The following PLA2G4A variants were observed in gnomAD, a reference collection of about 807,000 sequenced individuals.
The protein encoded by PLA2G4A is phospholipase A2 group IVA, also known as cytosolic phospholipase A2.
A neutral mutation model predicts 81.9 loss-of-function variants in PLA2G4A; 40 were observed. The ratio of observed to expected loss-of-function variants is 0.49; its 90% CI spans 0.38 to 0.64. The LOEUF is 0.64. Ranked by LOEUF, PLA2G4A falls within the 30% of genes least tolerant of loss-of-function variation. The pLI, the probability that PLA2G4A is intolerant of heterozygous loss-of-function variation, is 0.00. For synonymous variants in PLA2G4A, 302 were observed against 296.9 expected (o/e 1.02, Z -0.18); for missense variants, 715 against 905.1 (o/e 0.79, Z 2.69).
intron 15 of PLA2G4A, among the ~76,000 whole-genome samples, chr1:186,976,878 A>G (rs6690278): frequency 0.96 from 145,614 of 152,256 alleles, 69,726 homozygotes; most frequent in East Asian, 0.98. Context: ...GCCAGCAGTC[A>G]TAAATCACCC....
chr1:186,948,134 CATA>C (rs1656407354), intron 12 of PLA2G4A, among the ~76,000 whole-genome samples: 2 of 152,022 alleles, frequency 1.3e-5, no homozygotes, highest in South Asian at 4.1e-4. Flanking sequence ...TCCTGTAGTT[CATA>C]ATATTTTCAA....
chr1:186,837,736 CAAA>C (rs750655561), intron 1 of PLA2G4A, among the ~76,000 whole-genome samples: 2 of 55,226 alleles, frequency 3.6e-5, no homozygotes, highest in Non-Finnish European at 6.5e-5. Flanking sequence ...GACTCCGTCT[CAAA>C]AAAAAAAAAA....
chr1:186,906,039 G>A (rs1654725291), intron 5 of PLA2G4A, among the ~76,000 whole-genome samples: 1 of 152,088 alleles, frequency 6.6e-6, no homozygotes, highest in Non-Finnish European at 1.5e-5. Context: ...ATTTCAAGAG[G>A]TATATCCTAG....
At chr1:186,858,963 C>T (rs1652699470) in intron 2 of PLA2G4A, among the ~76,000 whole-genome samples, 2 of 151,528 alleles carry the variant, frequency 1.3e-5, no homozygotes, top group African/African-American at 4.9e-5. Flanking sequence ...AAAAAATTTC[C>T]TGCTCTGATT....
intron 1 of PLA2G4A, among the ~76,000 whole-genome samples, chr1:186,850,038 A>G (rs890285392): frequency 1.3e-5 from 2 of 152,144 alleles, no homozygotes; most frequent in Non-Finnish European, 2.9e-5. Flanking sequence ...GGAAGTAGAT[A>G]GAAATTCAAT....
chr1:186,981,800 T>C (rs1657727233), intron 17 of PLA2G4A, among the ~76,000 whole-genome samples: 1 of 152,004 alleles, frequency 6.6e-6, no homozygotes, highest in African/African-American at 2.4e-5. Flanking sequence ...AAAAATAATA[T>C]GAAAGTGAAA....
intron 4 of PLA2G4A, 151 bp from the exon 5 acceptor site, chr1:186,893,947 A>C: frequency 1.6e-6 from 1 of 621,848 alleles, no homozygotes; most frequent in Non-Finnish European, 2.8e-6. Context: ...GAAAAGATAA[A>C]AGTATTGTTA....
At chr1:186,834,098 A>T (rs913365801) in intron 1 of PLA2G4A, among the ~76,000 whole-genome samples, 1 of 152,186 alleles carries the variant, frequency 6.6e-6, no homozygotes, top group Non-Finnish European at 1.5e-5. Context: ...AATGTCATTA[A>T]TATGTATTCT....
chr1:186,936,064 G>A (rs1413909824), intron 8 of PLA2G4A, among the ~76,000 whole-genome samples: 1 of 151,882 alleles, frequency 6.6e-6, no homozygotes, highest in Non-Finnish European at 1.5e-5. Flanking sequence ...GATTAGTACA[G>A]CTTTCTTCCT....
chr1:186,919,499 CAGA>C (rs1048108712), intron 7 of PLA2G4A, among the ~76,000 whole-genome samples: 28 of 152,156 alleles, frequency 1.8e-4, no homozygotes, highest in African/African-American at 6.8e-4. Flanking sequence ...AGTGTCCCAG[CAGA>C]AGGTCGTCCA....
chr1:186,935,503 TA>T (rs779604516), intron 8 of PLA2G4A, among the ~76,000 whole-genome samples: 30 of 149,934 alleles, frequency 2.0e-4, no homozygotes, highest in African/African-American at 6.1e-4. Context: ...GATAAAGAAA[TA>T]GAAGATAGTA....
At chr1:186,946,817 A>G in intron 11 of PLA2G4A, 43 bp downstream of exon 11, 3 of 1,597,536 alleles carry the variant, frequency 1.9e-6, no homozygotes, top group Non-Finnish European at 2.6e-6. Context: ...TTGCTTGACT[A>G]TTTTGAAACC....
At chr1:186,945,952 A>G (rs1006072774) in intron 10 of PLA2G4A, among the ~76,000 whole-genome samples, 1 of 152,190 alleles carries the variant, frequency 6.6e-6, no homozygotes, top group African/African-American at 2.4e-5. Context: ...TACTTGTGAT[A>G]TGTGATTTTA....
intron 2 of PLA2G4A, among the ~76,000 whole-genome samples, chr1:186,857,108 TA>T (rs377077598): frequency 1.8e-4 from 13 of 71,396 alleles, no homozygotes; most frequent in African/African-American, 5.1e-4. Context: ...TATAATTATA[TA>T]ATTATATAAT....
intron 3 of PLA2G4A, among the ~76,000 whole-genome samples, chr1:186,878,334 GAT>G (rs1649539399): frequency 7.3e-6 from 1 of 136,338 alleles, no homozygotes. Flanking sequence ...TATCTTTTCT[GAT>G]ATATTTTATA....
intron 6 of PLA2G4A, among the ~76,000 whole-genome samples, chr1:186,908,653 T>G (rs12401750): frequency 1.8e-4 from 28 of 151,814 alleles, no homozygotes; most frequent in African/African-American, 6.5e-4. Flanking sequence ...TATGGATAAA[T>G]AGATTATAGT....
chr1:186,831,286 T>C lies in PLA2G4A; in HGVS notation c.-70+2251T>C, dbSNP rs566613302. On this transcript the variant is annotated intron_variant, in intron 1 of 17. Coordinates refer to ENST00000367466, the MANE Select transcript of PLA2G4A (RefSeq NM_024420.3). ...ATGATTAATTATAAAATCATTTTAC[T>C]TATAAGTAAGGAACTAACAGTGGAT... is the stretch of plus-strand genomic sequence containing the variant. 1.0e-3 allele frequency among the ~76,000 whole-genome samples: 157 copies of C among 152,262 alleles called. 2 individuals are homozygous for C. The highest frequency in any genetic ancestry group is 3.4e-3 in the African/African-American group (143 of 41,558).
chr1:186,933,966 T>C (rs1162134100), intron 8 of PLA2G4A, among the ~76,000 whole-genome samples: 1 of 152,134 alleles, frequency 6.6e-6, no homozygotes, highest in African/African-American at 2.4e-5. Context: ...TTGAATCAGA[T>C]TTAGTCATGA....
chr1:186,903,225 G>A (rs1043319412), intron 5 of PLA2G4A, among the ~76,000 whole-genome samples: 3 of 151,870 alleles, frequency 2.0e-5, no homozygotes, highest in African/African-American at 7.3e-5. Flanking sequence ...ATGATTAATT[G>A]CTGTTTGTTT....
Sources: gnomAD v4.1 joint callset for allele counts (sites outside exome capture counted in the v4.1 genomes callset) on GRCh38, gnomAD v4.1.1 for gene constraint, MANE v1.5 for transcripts, NCBI Gene and HGNC (gene_info 2026-07-23, HGNC 2026-07-21) for gene names.